The following ZNF525 variants were observed in gnomAD, a reference collection of about 807,000 sequenced individuals.
ZNF525 encodes the protein zinc finger protein 525.
Under a neutral mutation model 37.6 loss-of-function variants are expected in ZNF525, and 33 were observed. The observed-to-expected ratio is 0.88, with a 90% CI of 0.67 to 1.17. ZNF525 has a LOEUF of 1.17. Among genes scored for constraint, ZNF525 ranks in the 50% most tolerant of loss-of-function variants. ZNF525 has a pLI of 0.00. For synonymous variants in ZNF525, 170 were observed against 182.3 expected (o/e 0.93, Z 0.54); for missense variants, 449 against 543.1 (o/e 0.83, Z 1.72).
intron 1 of ZNF525, among the ~76,000 whole-genome samples, chr19:53,367,259 C>G (rs1325599473): frequency 6.7e-6 from 1 of 149,918 alleles, no homozygotes; most frequent in African/African-American, 2.4e-5. Context: ...AGGAAAACTT[C>G]TTTTCTTTTT....
chr19:53,384,940 G>T lies in ZNF525; in HGVS notation c.*2921G>T, dbSNP rs1470915660. 7.1e-6 allele frequency: 5 copies of T among 700,470 alleles called. No individual in the cohort carries two copies. The highest frequency in any genetic ancestry group is 2.0e-5 in the Admixed American group (1 of 49,478). 43.4% of individuals were successfully genotyped at this position (700,470 alleles called of 1,614,324 possible). ...TTTCATGGATGTTCTTTCTATTGTT[G>T]AGGTAAATTTCCTTTTCTATTTTGT... On this transcript the variant is annotated 3_prime_UTR_variant, in exon 4 of 4. Transcript: ENST00000474037.
At chr19:53,376,306 T>C (rs1297117566) in intron 3 of ZNF525, 3 of 671,376 alleles carry the variant, frequency 4.5e-6, no homozygotes, top group Non-Finnish European at 8.2e-6. Context: ...GAGTCTTCTG[T>C]GGACAACAAG....
At chr19:53,366,540 GAAAAAAA>G (rs57967171) in intron 1 of ZNF525, among the ~76,000 whole-genome samples, 1 of 124,162 alleles carries the variant, frequency 8.1e-6, no homozygotes, top group African/African-American at 3.3e-5. Context: ...CAGCAAAAGT[GAAAAAAA>G]AAAAAAAAAA....
At chr19:53,377,817 C>T (rs1001685869) in intron 3 of ZNF525, among the ~76,000 whole-genome samples, 2 of 152,156 alleles carry the variant, frequency 1.3e-5, no homozygotes, top group African/African-American at 4.8e-5. Flanking sequence ...CCCTCAGCCT[C>T]CCAAAGTGCT....
In ZNF525 at chr19:53,385,223, G is replaced by A. The variant is rs750568410; in HGVS notation, c.*3204G>A. On this transcript the variant is annotated 3_prime_UTR_variant, in exon 4 of 4. Coordinates refer to ENST00000474037, the MANE Select transcript of ZNF525 (RefSeq NM_001348156.2). ...GAAAAATACATATTATGAGAAAATT[G>A]TGCATGAATTTCACAATTTTTGCAC... is the stretch of plus-strand genomic sequence containing the variant. 1 of 468,684 alleles carries A rather than the reference G, an allele frequency of 2.1e-6. No individual in the cohort carries two copies. Among genetic ancestry groups the A allele is most frequent in the Non-Finnish European group, 3.8e-6 (1 of 265,754 alleles). 29.0% of individuals were successfully genotyped at this position (468,684 alleles called of 1,614,324 possible).
At chr19:53,377,852 A>G (rs182042145) in intron 3 of ZNF525, among the ~76,000 whole-genome samples, 44 of 152,164 alleles carry the variant, frequency 2.9e-4, no homozygotes, top group African/African-American at 9.9e-4. Flanking sequence ...GAACCACCTC[A>G]CTCAGCCGGC....
At chr19:53,378,460 G>A (rs941765043) in intron 3 of ZNF525, among the ~76,000 whole-genome samples, 1 of 152,090 alleles carries the variant, frequency 6.6e-6, no homozygotes, top group South Asian at 2.1e-4. Flanking sequence ...AGGCTGAGGC[G>A]GGAGAATCTC....
intron 3 of ZNF525, among the ~76,000 whole-genome samples, chr19:53,377,202 A>C (rs778931392): frequency 1.3e-5 from 2 of 152,008 alleles, no homozygotes; most frequent in Non-Finnish European, 2.9e-5. Context: ...AATGAGACGA[A>C]GTTTTGTTCT....
rs2085586419 is a variant in ZNF525 at position 53,383,878 on chromosome 19, T to C, written c.*1859T>C. 13 of 599,964 alleles carry C rather than the reference T, an allele frequency of 2.2e-5. No homozygotes were observed. The highest frequency in any genetic ancestry group is 1.0e-4 in the South Asian group (7 of 67,712). The allele number at this position is 599,964 out of a possible 1,614,324, so 37.2% of individuals were successfully genotyped here. On this transcript the variant is annotated 3_prime_UTR_variant, in exon 4 of 4. Coordinates refer to ENST00000474037, the MANE Select transcript of ZNF525 (RefSeq NM_001348156.2). ...TTCATCTTTTGCAAAACAGGAGAAT[T>C]CATACAGGAGAGAAACCTCACAAGT...
At chr19:53,366,541 A>AAAG (rs1491237057) in intron 1 of ZNF525, among the ~76,000 whole-genome samples, 1 of 15,448 alleles carries the variant, frequency 6.5e-5, no homozygotes, top group African/African-American at 1.6e-4. Flanking sequence ...AGCAAAAGTG[A>AAAG]AAAAAAAAAA....
rs530484646 is a variant in ZNF525 at position 53,375,860 on chromosome 19, G to T, written c.106G>T (p.Val36Leu). Reference protein sequence around the residue: ...DPAQRTLYRDVMLENYRNLVS... With the variant: ...DPAQRTLYRDLMLENYRNLVS... ...TGCTCAGAGGACTCTATACAGGGAC[G>T]TGATGCTGGAGAATTATAGGAACCT... Residue 36 changes from valine (V) to leucine (L), a missense_variant, in exon 3 of 4, where the codon GTG becomes TTG. This residue lies in a region of ZNF525 where 271 missense variants were observed against 381.6 expected (regional missense o/e 0.71). Coordinates refer to ENST00000474037, the MANE Select transcript of ZNF525 (RefSeq NM_001348156.2). 6.2e-7 allele frequency: 1 copy of T among 1,613,760 alleles called. No individual in the cohort carries two copies. Among genetic ancestry groups the T allele is most frequent in the South Asian group, 1.1e-5 (1 of 91,062 alleles).
Position 53,381,387 on chromosome 19 carries a change from C to A in ZNF525, c.808C>A (p.Pro270Thr). ...TCGTAGATGTCACACTGGTGAGAAA[C>A]CTTACAAGTGTAATGAGTGTGGCAA... ...RHRRCHTGEK[P>T]YKCNECGKSF... The change falls in exon 4 of 4, where the codon CCT (proline) becomes ACT (threonine). Residue 270 changes from proline (P) to threonine (T), a missense_variant. Coordinates refer to ENST00000474037, the MANE Select transcript of ZNF525 (RefSeq NM_001348156.2). 6.3e-7 allele frequency: 1 copy of A among 1,596,844 alleles called. No individual in the cohort carries two copies. Among genetic ancestry groups the A allele is most frequent in the Non-Finnish European group, 8.6e-7 (1 of 1,164,326 alleles).
At position 53,383,790 on chromosome 19, in the gene ZNF525, G is replaced by T; in HGVS notation, c.*1771G>T. ...CATCGTTCATACATTGCCGTTCATT[G>T]GCGAACTCATGCTGGAGAGAAATCT... On this transcript the variant is annotated 3_prime_UTR_variant, in exon 4 of 4. Transcript: ENST00000474037. 1.9e-6 allele frequency: 1 copy of T among 526,244 alleles called. No homozygotes were observed. 32.6% of individuals were successfully genotyped at this position (526,244 alleles called of 1,614,324 possible).
rs892395164 is a variant in ZNF525, at chr19:53,386,536, G to A, written c.*4517G>A. ...TTTTCTCTGTAAATTTGTTATAAAC[G>A]CATTGGTTGGCTGTGTTCAGTAATA... On this transcript the variant is annotated 3_prime_UTR_variant, in exon 4 of 4. Transcript: ENST00000474037. The A allele has an allele frequency of 1.4e-5, 7 of 514,158 alleles. No individual in the cohort carries two copies. Among genetic ancestry groups the A allele is most frequent in the Non-Finnish European group, 2.5e-5 (7 of 280,734 alleles). The allele number at this position is 514,158 out of a possible 1,614,324, so 31.8% of individuals were successfully genotyped here. A position where few individuals can be genotyped will look rare whatever the true frequency, so the allele number is the denominator to read the frequency against.
rs1179349687 is a variant in ZNF525, at chr19:53,381,037, TATTTCA to T, written c.459_464del (p.Ile153_Gln155delinsMet). The T allele has an allele frequency of 6.4e-7, 1 of 1,555,974 alleles. No homozygotes were observed. The highest frequency in any genetic ancestry group is 8.9e-7 in the Non-Finnish European group (1 of 1,127,034). Reference sequence around the variant, plus strand: ...CATTCACATCTGTCTGAACTCCACATATTTCAGCCCAAAGGGAAAATTAATAATCAA... The same window carrying T: ...CATTCACATCTGTCTGAACTCCACATGCCCAAAGGGAAAATTAATAATCAA... On this transcript the variant is annotated inframe_deletion, in exon 4 of 4. Transcript: ENST00000474037.
In ZNF525 at chr19:53,384,109, T is replaced by C. The variant is rs143492638; in HGVS notation, c.*2090T>C. ...GCAAACCATCAAGCATTGATTGACA[T>C]TAGAGTCAGTTCAGCATTGACTTGA... On this transcript the variant is annotated 3_prime_UTR_variant, in exon 4 of 4. Coordinates refer to ENST00000474037, the MANE Select transcript of ZNF525 (RefSeq NM_001348156.2). 1.8e-3 allele frequency: 804 copies of C among 447,156 alleles called. 5 individuals are homozygous for C. Among genetic ancestry groups the C allele is most frequent in the African/African-American group, 0.015 (748 of 49,462 alleles). The allele number at this position is 447,156 out of a possible 1,614,324, so 27.7% of individuals were successfully genotyped here. A position where few individuals can be genotyped will look rare whatever the true frequency, so the allele number is the denominator to read the frequency against.
intron 1 of ZNF525, among the ~76,000 whole-genome samples, chr19:53,368,245 G>A (rs1232451953): frequency 6.6e-6 from 1 of 152,142 alleles, no homozygotes; most frequent in Non-Finnish European, 1.5e-5. Context: ...GCTTCAAGCT[G>A]ATACTATGTG....
intron 3 of ZNF525, 117 bp from the exon 4 acceptor site, chr19:53,380,605 G>T: frequency 3.4e-6 from 2 of 580,356 alleles, no homozygotes. Flanking sequence ...ACATGTAATC[G>T]CCCTTTATTT....
chr19:53,372,478 C>T, intron 2 of ZNF525, 182 bp downstream of exon 2: 3 of 753,110 alleles, frequency 4.0e-6, no homozygotes, highest in Non-Finnish European at 7.1e-6. Flanking sequence ...GTGACATGAA[C>T]TTGGGAAGAG....
Sources: allele counts gnomAD v4.1 joint callset (sites outside exome capture counted in the v4.1 genomes callset), GRCh38; gene constraint gnomAD v4.1.1; regional missense constraint gnomAD v4.1.1; transcripts MANE v1.5; gene names NCBI Gene and HGNC (gene_info 2026-07-23, HGNC 2026-07-21).